The following DNAJB1 variants were observed in gnomAD, a reference collection of about 807,000 sequenced individuals.
DNAJB1 encodes DnaJ heat shock protein family (Hsp40) member B1, also known as dnaJ homolog subfamily B member 1.
DNAJB1 carries 14 observed loss-of-function variants against 24.0 expected under a neutral mutation model. The ratio of observed to expected loss-of-function variants is 0.58; its 90% CI spans 0.39 to 0.91. The LOEUF (loss-of-function observed/expected upper bound fraction) is 0.91, where lower values mean the gene tolerates loss of function less well. DNAJB1 is among the 40% of genes least tolerant of loss of function. The probability of loss-of-function intolerance (pLI) is 0.00; values close to 1 mark genes in which losing one functional copy is unlikely to be tolerated. For missense variants in DNAJB1, 517 were observed against 458.1 expected (o/e 1.13, Z -1.17); for synonymous variants, 262 against 174.4 (o/e 1.50, Z -3.96).
chr19:14,539,246 G>A (rs1454716964), intron 1 of DNAJB1, among the ~76,000 whole-genome samples: 1 of 141,468 alleles, frequency 7.1e-6, no homozygotes, highest in African/African-American at 2.7e-5. Flanking sequence ...CACCTGCCTC[G>A]GCCTCCCAAA....
At chr19:14,559,287 AT>A (rs1444674031) in intron 1 of DNAJB1, among the ~76,000 whole-genome samples, 2 of 151,702 alleles carry the variant, frequency 1.3e-5, no homozygotes, top group African/African-American at 4.8e-5. Flanking sequence ...GTCCCAGAAC[AT>A]TTTCCTCACT....
upstream of DNAJB1, chr19:14,529,708 C>T (rs1166268610): frequency 1.9e-6 from 3 of 1,614,012 alleles, no homozygotes; most frequent in South Asian, 3.3e-5. Context: ...TGAAGCATTA[C>T]GAGGTAAGAA....
rs556795796 is a variant in DNAJB1 at position 14,523,626 on chromosome 19, T to G, written c.-90+4100A>C. Among the ~76,000 whole-genome samples the G allele has an allele frequency of 2.4e-4, 36 of 151,090 alleles. 1 individual carries two copies. Among genetic ancestry groups the G allele is most frequent in the Admixed American group, 1.5e-3 (23 of 15,202 alleles). ...TACACCCGGCCTTGTTTTTGTTTTT[T>G]TTTTTTTTTGAGATGGGGTCTCACA... On this transcript the variant is annotated intron_variant, in intron 2 of 3. Transcript: ENST00000396969.
upstream of DNAJB1, chr19:14,530,145 AC>A (rs2072574087): frequency 4.7e-6 from 1 of 211,604 alleles, no homozygotes; most frequent in African/African-American, 2.3e-5. Context: ...CGACCTTTGG[AC>A]CCCTTCCCTC....
In DNAJB1 at chr19:14,517,026, T is replaced by C. The variant is rs1261966987; in HGVS notation, c.232A>G (p.Ser78Gly). The change falls in exon 2 of 3, where the codon AGT becomes GGT. Residue 78 changes from serine to glycine, a missense_variant. Ser to Gly is a moderately conservative substitution (Grantham distance 56). Coordinates refer to ENST00000254322, the MANE Select transcript of DNAJB1 (RefSeq NM_006145.3). ...GEEGLKGSGPSGGSGGGANGT... is the reference protein window; with the variant it reads ...GEEGLKGSGPGGGSGGGANGT... ...TTGGCACCACCGCCGCTACCGCCAC[T>C]GGGGCCACTCCCCTTTAGGCCTGAA... 7.5e-6 allele frequency: 12 copies of C among 1,610,436 alleles called. No homozygotes were observed. The highest frequency in any genetic ancestry group is 1.0e-5 in the Non-Finnish European group (12 of 1,179,052).
chr19:14,532,122 GA>G (rs1376700257), upstream of DNAJB1: 1 of 152,062 alleles, frequency 6.6e-6, no homozygotes, highest in African/African-American at 2.4e-5. Context: ...TTAACAGTCA[GA>G]TAAAGTAGGC....
chr19:14,542,346 T>TG (rs1248701731), intron 1 of DNAJB1, among the ~76,000 whole-genome samples: 2 of 104,924 alleles, frequency 1.9e-5, no homozygotes, highest in African/African-American at 8.0e-5. Context: ...CATGCCATAG[T>TG]GTTTTTTTTT....
chr19:14,546,271 AT>A (rs35585506), intron 1 of DNAJB1, among the ~76,000 whole-genome samples: 22 of 148,886 alleles, frequency 1.5e-4, no homozygotes, highest in East Asian at 2.0e-4. Flanking sequence ...TAGATTTGGG[AT>A]TTTTTTTTTT....
At chr19:14,534,165 C>T (rs2072776483), upstream of DNAJB1, 1 of 151,856 alleles carries the variant, frequency 6.6e-6, no homozygotes, top group Non-Finnish European at 1.5e-5. Context: ...CGCACTCTCG[C>T]CCAGGCTGGA....
upstream of DNAJB1, among the ~76,000 whole-genome samples, chr19:14,520,548 A>G (rs1269469460): frequency 1.3e-5 from 2 of 152,192 alleles, no homozygotes; most frequent in Non-Finnish European, 2.9e-5. Flanking sequence ...GGCCCACTCA[A>G]TGATCTCTGA....
intron 1 of DNAJB1, 54 bp downstream of exon 1, chr19:14,518,085 C>T (rs1024293029): frequency 1.4e-6 from 2 of 1,386,578 alleles, no homozygotes; most frequent in Admixed American, 3.4e-5. Flanking sequence ...CAGCGTGCCT[C>T]AGTTTCCCTG....
At position 14,515,990 on chromosome 19, in the gene DNAJB1, T is replaced by G. The variant is rs1406169543; in HGVS notation, c.973A>C (p.Arg325=). ...ACGGTTCTTGATGTCTGGGGAATCC[T>G]TTCGGGGAAGATCACTTCAAACTCA... The part of the protein sequence containing the change: ...IIEFEVIFPE[R]IPQTSRTVLE... The change falls in exon 3 of 3, where the codon AGG becomes CGG. Residue 325 remains arginine, a synonymous_variant. Transcript: ENST00000254322. The G allele has an allele frequency of 9.3e-6, 15 of 1,610,378 alleles. No homozygotes were observed. Among genetic ancestry groups the G allele is most frequent in the Non-Finnish European group, 1.3e-5 (15 of 1,178,964 alleles).
At chr19:14,555,221 T>C (rs2073677078), upstream of DNAJB1, among the ~76,000 whole-genome samples, 1 of 151,676 alleles carries the variant, frequency 6.6e-6, no homozygotes, top group Non-Finnish European at 1.5e-5. Flanking sequence ...GGTAGGACCA[T>C]AGGTGCGAGT....
At chr19:14,547,303 G>C (rs1428650792) in intron 1 of DNAJB1, among the ~76,000 whole-genome samples, 1 of 152,138 alleles carries the variant, frequency 6.6e-6, no homozygotes, top group Non-Finnish European at 1.5e-5. Context: ...TAAAGCTTGG[G>C]TAAAAATATT....
rs748154927 is a variant in DNAJB1 at position 14,516,080 on chromosome 19, G to T, written c.883C>A (p.Arg295=). ...FKDVIRPGMR[R]KVPGEGLPLP... is the part of the protein sequence containing the mutation. ...GGGAGGCCTTCTCCAGGAACTTTTC[G>T]CCGCATGCCAGGCCTGATAACATCT... is the stretch of plus-strand genomic sequence containing the variant. Residue 295 remains arginine, a synonymous_variant, in exon 3 of 3, where the codon CGA becomes AGA. Transcript: ENST00000254322. 5.0e-6 allele frequency: 8 copies of T among 1,613,622 alleles called. No individual in the cohort carries two copies. Among genetic ancestry groups the T allele is most frequent in the Non-Finnish European group, 5.9e-6 (7 of 1,179,852 alleles).
chr19:14,520,504 TCAGGAGCATC>T (rs1174655592), upstream of DNAJB1, among the ~76,000 whole-genome samples: 1 of 152,044 alleles, frequency 6.6e-6, no homozygotes, highest in African/African-American at 2.4e-5. Context: ...TAAATAACTA[TCAGGAGCATC>T]CAGCAGGCAG....
chr19:14,527,686 C>A (rs776447814), intron 2 of DNAJB1: 26 of 152,368 alleles, frequency 1.7e-4, no homozygotes, highest in Middle Eastern at 3.4e-3. Context: ...CACTGACTCA[C>A]CCTTGCCTCC....
At chr19:14,559,218 A>G (rs957564459) in intron 1 of DNAJB1, among the ~76,000 whole-genome samples, 1 of 152,172 alleles carries the variant, frequency 6.6e-6, no homozygotes, top group Non-Finnish European at 1.5e-5. Flanking sequence ...CTAACCATTT[A>G]AAAGTGAACA....
At chr19:14,547,711 T>C (rs1306344349) in intron 1 of DNAJB1, among the ~76,000 whole-genome samples, 1 of 150,274 alleles carries the variant, frequency 6.7e-6, no homozygotes, top group Non-Finnish European at 1.5e-5. Context: ...CAGGTTGGAG[T>C]GCAATGGTGC....
Sources: allele counts gnomAD v4.1 joint callset (sites outside exome capture counted in the v4.1 genomes callset), GRCh38; gene constraint gnomAD v4.1.1; transcripts MANE v1.5; gene names NCBI Gene and HGNC (gene_info 2026-07-23, HGNC 2026-07-21).